The following EXTL3 variants were observed in gnomAD, a reference collection of about 807,000 sequenced individuals.
EXTL3 encodes exostosin like glycosyltransferase 3, also known as exostosin-like 3.
Under a neutral mutation model 69.3 loss-of-function variants are expected in EXTL3, and 27 were observed. The observed-to-expected ratio is 0.39, with a 90% CI of 0.29 to 0.54. The LOEUF (loss-of-function observed/expected upper bound fraction) is 0.54, where lower values mean the gene tolerates loss of function less well. Among genes scored for constraint, EXTL3 ranks in the 20% least tolerant of loss-of-function variants. The pLI is 0.69. For synonymous variants in EXTL3, 511 were observed against 499.4 expected (o/e 1.02, Z -0.31); for missense variants, 1,003 against 1,231.8 (o/e 0.81, Z 2.78).
In EXTL3 at chr8:28,715,753, G is replaced by A; in HGVS notation, c.-307G>A. ...TCTGATTCCAGGGTGTTTTTCCTGG[G>A]TTTCATCATCAGGTACCTCCTCCCT... On this transcript the variant is annotated 5_prime_UTR_variant, in exon 3 of 7. Transcript: ENST00000220562. The A allele has an allele frequency of 2.5e-6, 1 of 395,890 alleles. No homozygotes were observed. 24.5% of individuals were successfully genotyped at this position (395,890 alleles called of 1,614,324 possible).
At chr8:28,616,626 CA>C (rs200318701) in intron 2 of EXTL3, among the ~76,000 whole-genome samples, 41,191 of 127,878 alleles carry the variant, frequency 0.32, 5,589 homozygotes, top group African/African-American at 0.34. Context: ...GACTCCGTCT[CA>C]AAAAAAAAAA....
At chr8:28,737,926 G>C (rs147496139) in intron 5 of EXTL3, among the ~76,000 whole-genome samples, 2 of 149,884 alleles carry the variant, frequency 1.3e-5, no homozygotes, top group Non-Finnish European at 3.0e-5. Flanking sequence ...TTGGCTCTCC[G>C]TTTGTAAAAC....
At position 28,638,989 on chromosome 8, in the gene EXTL3, G is replaced by A. The variant is rs181470577; in HGVS notation, c.-53+16179G>A. ...GCCTCACTGTGTCACCCAGGCTGCA[G>A]TGCAATGGTGTGTTCTTGGCTCACC... On this transcript the variant is annotated intron_variant, in intron 1 of 6. Transcript: ENST00000523149. 1.4e-3 allele frequency among the ~76,000 whole-genome samples: 214 copies of A among 147,980 alleles called. 2 individuals are homozygous for A. Among genetic ancestry groups the A allele is most frequent in the African/African-American group, 5.1e-3 (201 of 39,312 alleles).
In EXTL3 at chr8:28,610,096, G is replaced by A. The variant is rs533456319; in HGVS notation, n.314+2338G>A. On this transcript the variant is annotated intron_variant and non_coding_transcript_variant, in intron 2 of 4. Coordinates refer to the EXTL3 transcript ENST00000522725. The stretch of plus-strand genomic sequence containing the variant: ...GTGGTGCCTGTAGTCCCAGCTACTC[G>A]GGAGGCTGAGGCAGGAGAATCACTT... 1.7e-4 allele frequency among the ~76,000 whole-genome samples: 26 copies of A among 152,134 alleles called. No individual in the cohort carries two copies. In the South Asian group the frequency reaches 5.0e-3, roughly 29 times the overall value.
Position 28,716,321 on chromosome 8 carries a change from T to C in EXTL3, c.262T>C (p.Ser88Pro). 1 of 1,613,582 alleles carries C rather than the reference T, an allele frequency of 6.2e-7. No homozygotes were observed. The highest frequency in any genetic ancestry group is 8.5e-7 in the Non-Finnish European group (1 of 1,179,900). The change falls in exon 3 of 7, where the codon TCG (serine) becomes CCG (proline). Residue 88 changes from serine to proline, a missense_variant. By Grantham distance (74) the Ser-to-Pro change is moderately conservative. Around this residue, in one of 2 missense-constraint regions of EXTL3, gnomAD observed 742 missense variants for 815.4 expected, o/e 0.91. Coordinates refer to ENST00000220562, the MANE Select transcript of EXTL3 (RefSeq NM_001440.4). This position sits in a 1 kb window ranked among gnomAD's most constrained non-coding sequence, Gnocchi z 7.1. ...HVLDLCRIRE[S>P]VSEELLQLEA... The stretch of plus-strand genomic sequence containing the variant: ...GCTGGATCTGTGCCGCATCCGGGAG[T>C]CGGTGAGTGAAGAGCTCCTGCAGCT...
At chr8:28,616,213 A>T (rs1038337339) in intron 2 of EXTL3, among the ~76,000 whole-genome samples, 1 of 152,226 alleles carries the variant, frequency 6.6e-6, no homozygotes, top group African/African-American at 2.4e-5. Flanking sequence ...ACTTTCAATA[A>T]ACAGGTAAAG....
intron 2 of EXTL3, among the ~76,000 whole-genome samples, chr8:28,609,613 C>T (rs772875513): frequency 6.6e-5 from 10 of 151,940 alleles, no homozygotes; most frequent in Admixed American, 3.3e-4. Flanking sequence ...AGGCCAGGCA[C>T]GGTAGCTCAT....
At chr8:28,683,014 ACT>A (rs1371357774) in intron 1 of EXTL3, among the ~76,000 whole-genome samples, 1 of 151,722 alleles carries the variant, frequency 6.6e-6, no homozygotes, top group Non-Finnish European at 1.5e-5. Flanking sequence ...TATTGAAAAG[ACT>A]CTCTTTTTCC....
intron 4 of EXTL3, among the ~76,000 whole-genome samples, chr8:28,733,983 A>T (rs1171972264): frequency 6.6e-6 from 1 of 151,532 alleles, no homozygotes; most frequent in Non-Finnish European, 1.5e-5. Flanking sequence ...ATGCCTGGCT[A>T]ATGTTTGTAT....
chr8:28,726,680 C>T (rs1801419755), intron 3 of EXTL3, among the ~76,000 whole-genome samples: 1 of 151,974 alleles, frequency 6.6e-6, no homozygotes, highest in African/African-American at 2.4e-5. Context: ...AAGTAGCGCA[C>T]CCTTTTCTCC....
chr8:28,709,670 A>G (rs554701604), intron 1 of EXTL3, among the ~76,000 whole-genome samples: 5 of 152,364 alleles, frequency 3.3e-5, no homozygotes, highest in African/African-American at 9.6e-5. Flanking sequence ...GGAAGTTTCA[A>G]TATCAGTGTT....
intron 1 of EXTL3, among the ~76,000 whole-genome samples, chr8:28,651,629 A>C (rs189986926): frequency 6.6e-6 from 1 of 152,158 alleles, no homozygotes; most frequent in Non-Finnish European, 1.5e-5. Context: ...CTGACCAGCA[A>C]CAGTCTCTAA....
intron 6 of EXTL3, among the ~76,000 whole-genome samples, chr8:28,744,735 G>T (rs1226472877): frequency 6.6e-6 from 1 of 151,614 alleles, no homozygotes; most frequent in African/African-American, 2.4e-5. Context: ...GGAGGTTGCA[G>T]TAAGCCAAGA....
rs1490420882 is a variant in EXTL3, at chr8:28,623,150, G to T, written c.-53+340G>T. 6.6e-6 allele frequency among the ~76,000 whole-genome samples: 1 copy of T among 152,120 alleles called. No homozygotes were observed. Among genetic ancestry groups the T allele is most frequent in the Non-Finnish European group, 1.5e-5 (1 of 68,010 alleles). The stretch of plus-strand genomic sequence containing the variant: ...GAGAACTGGGAGAGTGTGGCTGTCG[G>T]CAGGGGTCCGTATCACACTGTGGGC... On this transcript the variant is annotated intron_variant, in intron 1 of 6. Transcript: ENST00000523149. This position sits in a 1 kb window ranked among gnomAD's most constrained non-coding sequence, Gnocchi z 4.2.
At chr8:28,637,988 C>T (rs1806682714) in intron 1 of EXTL3, among the ~76,000 whole-genome samples, 1 of 152,192 alleles carries the variant, frequency 6.6e-6, no homozygotes, top group Admixed American at 6.5e-5. Context: ...AACTTATCTC[C>T]TGAAAGCATT....
At chr8:28,631,856 G>A (rs892670361) in intron 1 of EXTL3, among the ~76,000 whole-genome samples, 8 of 152,088 alleles carry the variant, frequency 5.3e-5, no homozygotes, top group African/African-American at 1.7e-4. Flanking sequence ...TTGGGAGGCC[G>A]AGTTGGGTGG....
intron 1 of EXTL3, among the ~76,000 whole-genome samples, chr8:28,658,342 G>A (rs1222153310): frequency 6.6e-6 from 1 of 152,120 alleles, no homozygotes; most frequent in African/African-American, 2.4e-5. Flanking sequence ...CTCCTGCTCA[G>A]CCCCATCCAC....
chr8:28,702,566 C>G (rs894245567), intron 1 of EXTL3, among the ~76,000 whole-genome samples: 1 of 144,664 alleles, frequency 6.9e-6, no homozygotes, highest in Non-Finnish European at 1.5e-5. Flanking sequence ...TCCCCCGCCA[C>G]CCGCACCACC....
intron 2 of EXTL3, among the ~76,000 whole-genome samples, 199 bp from the exon 3 acceptor site, chr8:28,715,386 T>C (rs1314719867): frequency 1.1e-4 from 16 of 152,150 alleles, no homozygotes; most frequent in Admixed American, 7.2e-4. Context: ...GGGGCACTTA[T>C]CCATTTATTA....
Sources: gnomAD v4.1 joint callset for allele counts (sites outside exome capture counted in the v4.1 genomes callset) on GRCh38, gnomAD v4.1.1 for gene constraint, gnomAD v4.1.1 regional missense constraint, Gnocchi (gnomAD v3.1) non-coding constraint, MANE v1.5 for transcripts, NCBI Gene and HGNC (gene_info 2026-07-23, HGNC 2026-07-21) for gene names.